Variants in SNTB1 observed in about 807,000 individuals in gnomAD.
The protein encoded by SNTB1 is syntrophin beta 1.
SNTB1 carries 36 observed loss-of-function variants against 48.9 expected under a neutral mutation model. That is an observed-to-expected ratio of 0.74 (90% CI 0.56 to 0.97). The LOEUF (loss-of-function observed/expected upper bound fraction) is 0.97. Ranked by LOEUF, SNTB1 falls within the 50% of genes least tolerant of loss-of-function variation. The pLI, the probability that SNTB1 is intolerant of heterozygous loss-of-function variation, is 0.00. For missense variants in SNTB1, 786 were observed against 703.4 expected (o/e 1.12, Z -1.33); for synonymous variants, 299 against 294.6 (o/e 1.01, Z -0.15).
At chr8:120,701,951 C>G (rs556721194) in intron 1 of SNTB1, among the ~76,000 whole-genome samples, 1 of 152,330 alleles carries the variant, frequency 6.6e-6, no homozygotes, top group South Asian at 2.1e-4. Context: ...TCCACTCATT[C>G]AATGTGACCT....
chr8:120,705,425 T>C (rs1255312433), intron 1 of SNTB1, among the ~76,000 whole-genome samples: 1 of 152,170 alleles, frequency 6.6e-6, no homozygotes. Context: ...ACTTAATAAC[T>C]GGGGATTTGG....
At chr8:120,694,087 T>C (rs1818171803) in intron 1 of SNTB1, among the ~76,000 whole-genome samples, 179 bp from the exon 2 acceptor site, 2 of 152,202 alleles carry the variant, frequency 1.3e-5, no homozygotes, top group African/African-American at 4.8e-5. Context: ...ATTTAAATTA[T>C]ATAGCTCTGT....
At chr8:120,624,633 A>T (rs923728092) in intron 3 of SNTB1, among the ~76,000 whole-genome samples, 3 of 152,176 alleles carry the variant, frequency 2.0e-5, no homozygotes, top group Non-Finnish European at 4.4e-5. Context: ...TCCTCCTCAC[A>T]TGCAAAATAT....
At chr8:120,693,516 G>GTC (rs895736959) in intron 2 of SNTB1, among the ~76,000 whole-genome samples, 176 bp downstream of exon 2, 17 of 151,998 alleles carry the variant, frequency 1.1e-4, no homozygotes, top group African/African-American at 3.4e-4. Context: ...TCTCTCCTCT[G>GTC]TCTCTCTCTC....
At chr8:120,682,198 C>A (rs1346460422) in intron 2 of SNTB1, among the ~76,000 whole-genome samples, 1 of 151,336 alleles carries the variant, frequency 6.6e-6, no homozygotes, top group Non-Finnish European at 1.5e-5. Flanking sequence ...AGAGAGATAA[C>A]AAAAAAAGAG....
At chr8:120,802,833 C>T (rs1024871377) in intron 1 of SNTB1, among the ~76,000 whole-genome samples, 11 of 152,014 alleles carry the variant, frequency 7.2e-5, no homozygotes, top group Non-Finnish European at 1.6e-4. Flanking sequence ...TCCCTTTACT[C>T]CTCAGAACAA....
chr8:120,741,803 T>G (rs7011886), intron 1 of SNTB1, among the ~76,000 whole-genome samples: 2,839 of 152,328 alleles, frequency 0.019, 93 homozygotes, highest in African/African-American at 0.062. Flanking sequence ...GAATAGTTTT[T>G]ACATTTTTAA....
intron 1 of SNTB1, among the ~76,000 whole-genome samples, chr8:120,701,937 C>G (rs1818314861): frequency 6.6e-6 from 1 of 152,204 alleles, no homozygotes; most frequent in Non-Finnish European, 1.5e-5. Context: ...CTATTTTAGA[C>G]TAATCCACTC....
chr8:120,571,479 GTTTTTTTTTTTTTTTTTTTTTTT>G (rs574978297), intron 4 of SNTB1: 3 of 167,036 alleles, frequency 1.8e-5, no homozygotes, highest in Non-Finnish European at 3.3e-5. Context: ...ACTATTGAGG[GTTTTTTTTTTTTTTTTTTTTTTT>G]TTTTTTTTTT....
At chr8:120,674,691 T>C (rs935187569) in intron 2 of SNTB1, among the ~76,000 whole-genome samples, 3 of 152,210 alleles carry the variant, frequency 2.0e-5, no homozygotes. Flanking sequence ...TTCACACCAA[T>C]GCTGTAATGG....
intron 2 of SNTB1, among the ~76,000 whole-genome samples, chr8:120,675,961 G>A (rs1329973362): frequency 6.6e-6 from 1 of 152,212 alleles, no homozygotes; most frequent in African/African-American, 2.4e-5. Context: ...CTGTACTACA[G>A]AGGATAGAAT....
chr8:120,571,122 A>G, intron 4 of SNTB1: 3 of 936,344 alleles, frequency 3.2e-6, no homozygotes, highest in South Asian at 2.0e-5. Context: ...AGCAGTCCCC[A>G]TTGTTCATAA....
chr8:120,698,727 A>G (rs561000055), intron 1 of SNTB1, among the ~76,000 whole-genome samples: 19 of 152,260 alleles, frequency 1.2e-4, no homozygotes, highest in Non-Finnish European at 2.4e-4. Flanking sequence ...CCTGTCCCCA[A>G]TCACCAGTTG....
At chr8:120,561,341 GAAAAA>G (rs1382556427) in intron 4 of SNTB1, among the ~76,000 whole-genome samples, 5 of 67,384 alleles carry the variant, frequency 7.4e-5, no homozygotes, top group Non-Finnish European at 9.6e-5. Context: ...AAAAAAAAAA[GAAAAA>G]AAGAAAAAAA....
intron 3 of SNTB1, among the ~76,000 whole-genome samples, chr8:120,623,152 A>G (rs549623243): frequency 5.9e-5 from 9 of 152,336 alleles, no homozygotes; most frequent in African/African-American, 1.9e-4. Context: ...GTTTCTCCTA[A>G]GAGCCTCACT....
intron 1 of SNTB1, among the ~76,000 whole-genome samples, chr8:120,745,568 C>T (rs1819113610): frequency 6.6e-6 from 1 of 152,144 alleles, no homozygotes; most frequent in South Asian, 2.1e-4. Flanking sequence ...TTTCCACCTA[C>T]TCCTTGGGAG....
chr8:120,704,375 G>A (rs1818348964), intron 1 of SNTB1, among the ~76,000 whole-genome samples: 1 of 151,972 alleles, frequency 6.6e-6, no homozygotes, highest in South Asian at 2.1e-4. Flanking sequence ...AGGATCACTT[G>A]AGCTCAGTAA....
At chr8:120,663,387 T>C (rs549871716) in intron 2 of SNTB1, among the ~76,000 whole-genome samples, 26 of 152,234 alleles carry the variant, frequency 1.7e-4, no homozygotes, top group Non-Finnish European at 2.6e-4. Context: ...ACATTGCACA[T>C]GATGGAATGT....
At chr8:120,790,823 A>AT (rs911040522) in intron 1 of SNTB1, among the ~76,000 whole-genome samples, 1 of 151,912 alleles carries the variant, frequency 6.6e-6, no homozygotes, top group African/African-American at 2.4e-5. Flanking sequence ...GCCCAAAGCA[A>AT]TCTACAGATT....
Sources: allele counts gnomAD v4.1 joint callset (sites outside exome capture counted in the v4.1 genomes callset), GRCh38; gene constraint gnomAD v4.1.1; transcripts MANE v1.5; gene names NCBI Gene and HGNC (gene_info 2026-07-23, HGNC 2026-07-21).